The following RAD9B variants were observed in gnomAD, a reference collection of about 807,000 sequenced individuals.
The protein encoded by RAD9B is RAD9 checkpoint clamp component B.
A neutral mutation model predicts 48.3 loss-of-function variants in RAD9B; 41 were observed. The observed-to-expected ratio is 0.85, with a 90% CI of 0.66 to 1.10. The LOEUF is 1.10. RAD9B is among the 50% of genes least tolerant of loss of function. The probability of loss-of-function intolerance (pLI) is 0.00; values close to 1 mark genes in which losing one functional copy is unlikely to be tolerated. For synonymous variants in RAD9B, 160 were observed against 157.9 expected (o/e 1.01, Z -0.10); for missense variants, 444 against 485.1 (o/e 0.92, Z 0.80).
At chr12:110,502,409 A>G in intron 1 of RAD9B, 26 bp downstream of exon 1, 1 of 1,612,488 alleles carries the variant, frequency 6.2e-7, no homozygotes, top group Non-Finnish European at 8.5e-7. Context: ...TTGTCTTCCC[A>G]TTTAGCAGAG....
chr12:110,505,497 T>C, intron 2 of RAD9B, 120 bp from the exon 3 acceptor site: 1 of 739,360 alleles, frequency 1.4e-6, no homozygotes, highest in Non-Finnish European at 2.0e-6. Flanking sequence ...GCCAGGCTGG[T>C]CTCAGACTCC....
chr12:110,524,951 T>C (rs1171557243), intron 10 of RAD9B, among the ~76,000 whole-genome samples: 3 of 152,186 alleles, frequency 2.0e-5, no homozygotes, highest in South Asian at 2.1e-4. Flanking sequence ...ACTTCAAATA[T>C]TTTGATTATT....
At chr12:110,523,199 G>T (rs868436843) in intron 10 of RAD9B, among the ~76,000 whole-genome samples, 18 of 152,106 alleles carry the variant, frequency 1.2e-4, no homozygotes, top group African/African-American at 4.3e-4. Context: ...CCTTTAGAAG[G>T]CCAAGGAGGG....
chr12:110,520,946 G>A (rs1382247302), intron 9 of RAD9B, among the ~76,000 whole-genome samples: 1 of 151,870 alleles, frequency 6.6e-6, no homozygotes, highest in East Asian at 1.9e-4. Context: ...ACTGCGCCTG[G>A]CTTTTTTTTC....
intron 10 of RAD9B, among the ~76,000 whole-genome samples, chr12:110,523,277 C>T (rs57837519): frequency 0.19 from 28,619 of 151,876 alleles, 3,710 homozygotes; most frequent in African/African-American, 0.37. Context: ...TCAACAAAAA[C>T]TTAAATATTA....
Position 110,511,870 on chromosome 12 carries a change from C to T in RAD9B, c.389-909C>T, listed in dbSNP as rs572307400. On this transcript the variant is annotated intron_variant, in intron 4 of 10. Transcript: ENST00000409300. ...TACATTTTTTCTTTTTTTTTTGAGA[C>T]AGAGTCTCGCTCTGTTGTCAGGCTG... Among the ~76,000 whole-genome samples, 4 of 151,876 alleles carry T rather than the reference C, an allele frequency of 2.6e-5. No homozygotes were observed. In the East Asian group the frequency reaches 7.8e-4, roughly 29 times the overall value.
intron 4 of RAD9B, 21 bp from the exon 5 acceptor site, chr12:110,512,758 G>C: frequency 1.1e-6 from 1 of 948,806 alleles, no homozygotes; most frequent in Non-Finnish European, 1.6e-6. Context: ...ATTATTAAGA[G>C]GTGGCTTTAT....
chr12:110,511,096 A>G (rs2063444747), intron 4 of RAD9B, among the ~76,000 whole-genome samples: 1 of 152,338 alleles, frequency 6.6e-6, no homozygotes, highest in South Asian at 2.1e-4. Context: ...AGGGTACTGA[A>G]AGAGAGTAAT....
At chr12:110,520,628 C>CTTTTTTTTTTTT (rs71083129) in intron 9 of RAD9B, among the ~76,000 whole-genome samples, 452 of 99,744 alleles carry the variant, frequency 4.5e-3, no homozygotes, top group Middle Eastern at 0.01. Flanking sequence ...TTCTTGCTTT[C>CTTTTTTTTTTTT]TTTTTTTTTT....
intron 5 of RAD9B, among the ~76,000 whole-genome samples, chr12:110,513,545 A>G (rs1343322484): frequency 6.6e-6 from 1 of 152,002 alleles, no homozygotes; most frequent in African/African-American, 2.4e-5. Context: ...TTTTTCCTCT[A>G]GATAATGAGT....
rs1445749413 is a variant in RAD9B at position 110,530,592 on chromosome 12, G to A, written c.1193G>A (p.Ser398Asn). ...GAACACTTCAACCACCCTTTCGACA[G>A]TCTGGCAAGAGCAAGTGACAGTGAA... ...QQEHFNHPFDSLARASDSEED... is the reference protein window; with the variant it reads ...QQEHFNHPFDNLARASDSEED... The change falls in exon 11 of 11, where the codon AGT becomes AAT. Residue 398 changes from serine (S) to asparagine (N), a missense_variant. Physicochemically the swap from Ser to Asn is conservative, Grantham distance 46 (BLOSUM62 1). Coordinates refer to ENST00000409300, the MANE Select transcript of RAD9B (RefSeq NM_001286535.2). 8.1e-6 allele frequency: 13 copies of A among 1,614,024 alleles called. No homozygotes were observed. Among genetic ancestry groups the A allele is most frequent in the Non-Finnish European group, 1.0e-5 (12 of 1,179,894 alleles).
intron 8 of RAD9B, 131 bp downstream of exon 8, chr12:110,519,069 A>C (rs56245768): frequency 0.013 from 8,117 of 628,898 alleles, 83 homozygotes; most frequent in South Asian, 0.029. Context: ...TATCAAACTA[A>C]AATTTTGAAA....
In RAD9B at chr12:110,517,750, TGA is replaced by T. The variant is rs1491231438; in HGVS notation, c.596-925_596-924del. ...TTTTGTAGTGGAAAACACAAAACAT[TGA>T]CACACACACACACACACACACACAC... On this transcript the variant is annotated intron_variant, in intron 6 of 10. Coordinates refer to ENST00000409300, the MANE Select transcript of RAD9B (RefSeq NM_001286535.2). Among the ~76,000 whole-genome samples the T allele has an allele frequency of 4.1e-4, 28 of 68,512 alleles. No homozygotes were observed. In the South Asian group the frequency reaches 0.014, roughly 34 times the overall value. The allele number at this position is 68,512 out of a possible 152,430, so 44.9% of individuals were successfully genotyped here.
intron 4 of RAD9B, 114 bp downstream of exon 4, chr12:110,506,807 G>T: frequency 1.7e-6 from 1 of 582,952 alleles, no homozygotes; most frequent in Non-Finnish European, 3.0e-6. Context: ...CTTAGAGTGT[G>T]TGTAGTTAAG....
chr12:110,529,612 T>C (rs757814914), intron 10 of RAD9B, among the ~76,000 whole-genome samples: 3 of 149,060 alleles, frequency 2.0e-5, no homozygotes, highest in African/African-American at 7.4e-5. Context: ...AGGCTGCGCA[T>C]GGTTGTGCAT....
intron 9 of RAD9B, 102 bp from the exon 10 acceptor site, chr12:110,522,075 C>G (rs2063803138): frequency 1.4e-6 from 1 of 730,776 alleles, no homozygotes; most frequent in Middle Eastern, 3.2e-4. Context: ...AATATATTCC[C>G]TAATCCAGTG....
intron 10 of RAD9B, among the ~76,000 whole-genome samples, chr12:110,526,131 T>G (rs1159716643): frequency 2.0e-5 from 3 of 152,232 alleles, no homozygotes; most frequent in African/African-American, 7.2e-5. Flanking sequence ...CCACCCCGCC[T>G]GGCCTGCTGT....
rs898924531 is a variant in RAD9B, at chr12:110,533,546, G to T, written c.*2893G>T. On this transcript the variant is annotated 3_prime_UTR_variant, in exon 11 of 11. Coordinates refer to ENST00000409300, the MANE Select transcript of RAD9B (RefSeq NM_001286535.2). ...CAAAGAATTTAATTTTAAATAAATA[G>T]AATCCAAATATGTCCTGCTTCATGT... 4 of 152,154 alleles carry T rather than the reference G, an allele frequency of 2.6e-5. No individual in the cohort carries two copies. Among genetic ancestry groups the T allele is most frequent in the Non-Finnish European group, 5.9e-5 (4 of 68,010 alleles). The allele number at this position is 152,154 out of a possible 1,614,324, so 9.4% of individuals were successfully genotyped here.
chr12:110,507,288 T>C (rs1273169000), intron 4 of RAD9B, among the ~76,000 whole-genome samples: 1 of 149,326 alleles, frequency 6.7e-6, no homozygotes, highest in Non-Finnish European at 1.5e-5. Flanking sequence ...AATATCCGTA[T>C]GAATTCAAGC....
Sources: gnomAD v4.1 joint callset for allele counts (sites outside exome capture counted in the v4.1 genomes callset) on GRCh38, gnomAD v4.1.1 for gene constraint, MANE v1.5 for transcripts, NCBI Gene and HGNC (gene_info 2026-07-23, HGNC 2026-07-21) for gene names.